The following CMSS1 variants were observed in gnomAD, a reference collection of about 807,000 sequenced individuals.
CMSS1 encodes the protein cms1 ribosomal small subunit homolog.
In CMSS1, 33 loss-of-function variants were observed where a neutral mutation model predicts 43.5. The observed-to-expected ratio is 0.76, with a 90% CI of 0.57 to 1.01. The LOEUF (loss-of-function observed/expected upper bound fraction) is 1.01, where lower values mean the gene tolerates loss of function less well. Among genes scored for constraint, CMSS1 ranks in the 50% least tolerant of loss-of-function variants. CMSS1 has a pLI of 0.00. For synonymous variants in CMSS1, 115 were observed against 117.2 expected, an observed-to-expected ratio of 0.98 and a Z score of 0.12; for missense variants, 313 against 326.4, an observed-to-expected ratio of 0.96 and a Z score of 0.32.
intron 1 of CMSS1, among the ~76,000 whole-genome samples, chr3:99,946,921 G>A (rs1708025347): frequency 6.6e-6 from 1 of 152,058 alleles, no homozygotes; most frequent in Admixed American, 6.6e-5. Context: ...GATCTCCTGA[G>A]GTCTGGAGTT....
chr3:99,961,710 T>A (rs879492119), intron 1 of CMSS1, among the ~76,000 whole-genome samples: 19 of 152,252 alleles, frequency 1.2e-4, no homozygotes, highest in Middle Eastern at 3.4e-3. Flanking sequence ...CTAAAAAAAA[T>A]TTTTTAAGAA....
intron 1 of CMSS1, among the ~76,000 whole-genome samples, chr3:99,930,603 C>A (rs1576580920): frequency 6.6e-6 from 1 of 152,142 alleles, no homozygotes; most frequent in Non-Finnish European, 1.5e-5. Flanking sequence ...GGATTAATTG[C>A]ACTTTGAGTT....
intron 1 of CMSS1, among the ~76,000 whole-genome samples, chr3:99,894,419 G>A (rs890871297): frequency 6.6e-6 from 1 of 152,184 alleles, no homozygotes; most frequent in Non-Finnish European, 1.5e-5. Flanking sequence ...GTGTGCTGGT[G>A]TGCTATTTTC....
chr3:100,071,090 C>CTT (rs61563009), intron 1 of CMSS1, among the ~76,000 whole-genome samples: 29,889 of 71,256 alleles, frequency 0.42, 6,038 homozygotes, highest in Middle Eastern at 0.48. Flanking sequence ...GCTACTCTCT[C>CTT]TTTTTTTTTT....
Position 100,124,743 on chromosome 3 carries a change from G to A in CMSS1, c.65-22230G>A, listed in dbSNP as rs1167180700. ...AAAGCAGGGGACAGCACTCCTCAGC[G>A]AGGTAGTAAACACAAGGCTCTGGGG... On this transcript the variant is annotated intron_variant, in intron 1 of 9. Transcript: ENST00000421999. Among the ~76,000 whole-genome samples, 9 of 152,336 alleles carry A rather than the reference G, an allele frequency of 5.9e-5. No homozygotes were observed. In the East Asian group the frequency reaches 1.2e-3, roughly 20 times the overall value.
In CMSS1 at chr3:100,085,761, A is replaced by G. The variant is rs528093252; in HGVS notation, c.65-61212A>G. ...GGAATCAGAGCTATGCACGTGGATG[A>G]TGACCCCCTCCTAAGTGGCCAAATA... On this transcript the variant is annotated intron_variant, in intron 1 of 9. Coordinates refer to ENST00000421999, the MANE Select transcript of CMSS1 (RefSeq NM_032359.4). Among the ~76,000 whole-genome samples the G allele has an allele frequency of 2.0e-5, 3 of 152,302 alleles. No homozygotes were observed. In the South Asian group the frequency reaches 6.2e-4, roughly 32 times the overall value.
At chr3:100,166,893 C>T (rs2067070561) in intron 5 of CMSS1, among the ~76,000 whole-genome samples, 1 of 151,818 alleles carries the variant, frequency 6.6e-6, no homozygotes, top group African/African-American at 2.4e-5. Flanking sequence ...TGTGTGCCAC[C>T]ACAAGCAGCT....
At chr3:99,939,241 T>A (rs916462454) in intron 1 of CMSS1, among the ~76,000 whole-genome samples, 2 of 152,176 alleles carry the variant, frequency 1.3e-5, no homozygotes, top group Non-Finnish European at 2.9e-5. Flanking sequence ...CCTGCTCACT[T>A]GTTATATGCC....
At chr3:99,918,673 G>A (rs1707031353) in intron 1 of CMSS1, among the ~76,000 whole-genome samples, 1 of 152,088 alleles carries the variant, frequency 6.6e-6, no homozygotes, top group Non-Finnish European at 1.5e-5. Context: ...CATGATGGAC[G>A]GTCCTAAATG....
At chr3:100,130,672 G>T (rs963704238) in intron 1 of CMSS1, among the ~76,000 whole-genome samples, 3 of 152,118 alleles carry the variant, frequency 2.0e-5, no homozygotes, top group Non-Finnish European at 4.4e-5. Flanking sequence ...GGCTTGTTTT[G>T]TTGTAATATA....
At chr3:99,882,559 G>C (rs1705763645) in intron 1 of CMSS1, among the ~76,000 whole-genome samples, 1 of 152,182 alleles carries the variant, frequency 6.6e-6, no homozygotes, top group South Asian at 2.1e-4. Flanking sequence ...GAAAACATCT[G>C]ATCTTCTTAT....
At chr3:100,051,211 C>T (rs891568431) in intron 1 of CMSS1, 14 of 151,724 alleles carry the variant, frequency 9.2e-5, no homozygotes, top group African/African-American at 2.7e-4. Flanking sequence ...TTATTTTTTC[C>T]GATATTCTGT....
At chr3:100,061,898 T>C (rs2065572864) in intron 1 of CMSS1, among the ~76,000 whole-genome samples, 1 of 152,122 alleles carries the variant, frequency 6.6e-6, no homozygotes, top group Non-Finnish European at 1.5e-5. Flanking sequence ...TAATACAAAA[T>C]CTGTCATTTT....
At chr3:99,988,847 G>T (rs1045284388) in intron 1 of CMSS1, among the ~76,000 whole-genome samples, 1 of 152,058 alleles carries the variant, frequency 6.6e-6, no homozygotes, top group African/African-American at 2.4e-5. Context: ...TCCAAATCTG[G>T]CAGGTGCCTT....
intron 1 of CMSS1, among the ~76,000 whole-genome samples, chr3:99,838,146 G>T (rs922334058): frequency 3.3e-5 from 5 of 152,176 alleles, no homozygotes; most frequent in Non-Finnish European, 7.3e-5. Context: ...AGGATAAAGT[G>T]GACACTGACT....
intron 1 of CMSS1, among the ~76,000 whole-genome samples, chr3:99,913,881 C>G (rs1706871588): frequency 6.6e-6 from 1 of 152,142 alleles, no homozygotes. Context: ...TCTTCTGAAG[C>G]TACAAGTTTG....
At chr3:99,887,710 C>T (rs1292407664) in intron 1 of CMSS1, among the ~76,000 whole-genome samples, 3 of 151,886 alleles carry the variant, frequency 2.0e-5, no homozygotes, top group African/African-American at 7.3e-5. Context: ...CTGGGAATAC[C>T]CAGATATACA....
At chr3:100,126,453 G>T (rs1293838459) in intron 1 of CMSS1, among the ~76,000 whole-genome samples, 1 of 152,106 alleles carries the variant, frequency 6.6e-6, no homozygotes, top group Non-Finnish European at 1.5e-5. Flanking sequence ...TAGTGACCAG[G>T]TTTCCTTTTT....
chr3:100,117,386 C>A (rs79957396), intron 1 of CMSS1, among the ~76,000 whole-genome samples: 1 of 151,814 alleles, frequency 6.6e-6, no homozygotes, highest in Non-Finnish European at 1.5e-5. Flanking sequence ...AGTAAGAGAC[C>A]GGGATCTGCA....
Sources: gnomAD v4.1 joint callset for allele counts (sites outside exome capture counted in the v4.1 genomes callset) on GRCh38, gnomAD v4.1.1 for gene constraint, MANE v1.5 for transcripts, NCBI Gene and HGNC (gene_info 2026-07-23, HGNC 2026-07-21) for gene names.